COL15A1: variants seen among roughly 807,000 people sequenced by gnomAD.
COL15A1 encodes collagen alpha-1(XV) chain.
Under a neutral mutation model 165.9 loss-of-function variants are expected in COL15A1, and 111 were observed. The observed-to-expected ratio is 0.67, with a 90% confidence interval of 0.57 to 0.78. The LOEUF is 0.78. Ranked by LOEUF, COL15A1 falls within the 30% of genes least tolerant of loss-of-function variation. The probability of loss-of-function intolerance (pLI) is 0.00; values close to 1 mark genes in which losing one functional copy is unlikely to be tolerated. For synonymous variants in COL15A1, 659 were observed against 674.8 expected (o/e 0.98, Z 0.36); for missense variants, 1,745 against 1,789.7 (o/e 0.98, Z 0.45).
intron 2 of COL15A1, among the ~76,000 whole-genome samples, chr9:98,973,346 G>T (rs1290663969): frequency 6.6e-6 from 1 of 152,116 alleles, no homozygotes; most frequent in African/African-American, 2.4e-5. Flanking sequence ...GAAAAGAGAA[G>T]GAGGCGTTCT....
chr9:99,054,697 G>A (rs1366940675), intron 32 of COL15A1, 41 bp downstream of exon 32: 1 of 1,584,958 alleles, frequency 6.3e-7, no homozygotes, highest in Non-Finnish European at 8.6e-7. Context: ...TTGATTTTTT[G>A]CTCCTGAGAA....
At chr9:99,035,315 T>C (rs193043462) in intron 18 of COL15A1, 35 bp from the exon 19 acceptor site, 3 of 1,614,160 alleles carry the variant, frequency 1.9e-6, no homozygotes, top group Non-Finnish European at 2.5e-6. Flanking sequence ...GCCCAGGAAC[T>C]GGATCTGAAA....
At chr9:99,051,041 A>G (rs1398213581) in intron 30 of COL15A1, among the ~76,000 whole-genome samples, 2 of 152,348 alleles carry the variant, frequency 1.3e-5, no homozygotes, top group East Asian at 3.9e-4. Flanking sequence ...GAAGAGAAAC[A>G]TAAAATCTCA....
Position 99,040,538 on chromosome 9 carries a change from T to C in COL15A1, c.2493T>C (p.Pro831=). Residue 831 remains proline (P), a synonymous_variant, in exon 23 of 42, where the codon CCT becomes CCC. Transcript: ENST00000375001. ...TGTCACAGGGGCCGGACGGGTTGCC[T>C]GGGCTGCCAGGATTTCCAGTAAGTA... ...LVGPPGPDGL[P]GLPGFPGPRG... is the part of the protein sequence containing the mutation. 2 of 1,614,218 alleles carry C rather than the reference T, an allele frequency of 1.2e-6. No individual in the cohort carries two copies. Among genetic ancestry groups the C allele is most frequent in the Non-Finnish European group, 1.7e-6 (2 of 1,180,040 alleles).
chr9:98,972,125 C>T (rs1027706942), intron 2 of COL15A1, among the ~76,000 whole-genome samples: 1 of 152,114 alleles, frequency 6.6e-6, no homozygotes, highest in Non-Finnish European at 1.5e-5. Context: ...TCTCTGTGAG[C>T]CAGGTCCTAG....
At chr9:99,007,830 G>A (rs1419605473) in intron 9 of COL15A1, among the ~76,000 whole-genome samples, 2 of 151,972 alleles carry the variant, frequency 1.3e-5, no homozygotes, top group Non-Finnish European at 2.9e-5. Flanking sequence ...AGAAGAAGAA[G>A]AAAAAAATTT....
In COL15A1 at chr9:99,055,373, G is replaced by A. The variant is rs1825706818; in HGVS notation, c.3192+1G>A. 2 of 1,592,272 alleles carry A rather than the reference G, an allele frequency of 1.3e-6. No individual in the cohort carries two copies. Among genetic ancestry groups the A allele is most frequent in the South Asian group, 1.1e-5 (1 of 90,652 alleles). ...CCTGCCCGGAAATCCAGGCCCGGCTGTGAGTAGAGACCCCTCCAAGTCATC... is the reference window on the plus strand; with the variant it reads ...CCTGCCCGGAAATCCAGGCCCGGCTATGAGTAGAGACCCCTCCAAGTCATC... On this transcript the variant is annotated splice_donor_variant, in intron 34 of 41. Coordinates refer to ENST00000375001, the MANE Select transcript of COL15A1 (RefSeq NM_001855.5). LOFTEE classifies it high-confidence loss of function.
rs142529243 is a variant in COL15A1 at position 98,945,072 on chromosome 9, G to A, written c.100+822G>A. On this transcript the variant is annotated intron_variant, in intron 2 of 41. Transcript: ENST00000375001. The stretch of plus-strand genomic sequence containing the variant: ...CTTCCTAGAAATGTTGTGAATATTA[G>A]AGAAATTAGAAATAATGTGCTTCCC... 2.6e-5 allele frequency among the ~76,000 whole-genome samples: 4 copies of A among 152,306 alleles called. No homozygotes were observed. In the East Asian group the frequency reaches 7.7e-4, roughly 29 times the overall value.
intron 24 of COL15A1, 80 bp from the exon 25 acceptor site, chr9:99,044,488 G>A: frequency 1.6e-6 from 2 of 1,280,596 alleles, no homozygotes. Flanking sequence ...AGGTGGCAAG[G>A]AGGAGTCTCT....
At chr9:98,987,517 G>C in intron 4 of COL15A1, 149 bp downstream of exon 4, 1 of 645,904 alleles carries the variant, frequency 1.5e-6, no homozygotes, top group Non-Finnish European at 2.6e-6. Context: ...CTTTTGGCGT[G>C]ATTTCACTTT....
chr9:99,054,683 G>A, intron 32 of COL15A1, 27 bp downstream of exon 32: 2 of 1,591,560 alleles, frequency 1.3e-6, no homozygotes, highest in East Asian at 2.2e-5. Flanking sequence ...TCTCAATCTT[G>A]CCTTTGATTT....
chr9:99,029,073 G>C (rs1839175219), intron 16 of COL15A1, among the ~76,000 whole-genome samples: 1 of 152,170 alleles, frequency 6.6e-6, no homozygotes, highest in South Asian at 2.1e-4. Context: ...GAAGAAGATG[G>C]ATCTCTGAAA....
chr9:98,956,268 T>TA (rs1308163189), intron 2 of COL15A1, among the ~76,000 whole-genome samples: 3 of 152,186 alleles, frequency 2.0e-5, no homozygotes, highest in Non-Finnish European at 2.9e-5. Context: ...ATCATGCCAC[T>TA]ACATTCCAGC....
rs182181494 is a variant in COL15A1 at position 99,061,856 on chromosome 9, C to T, written c.3403-115C>T. ...CTCTATCTGGCACATTAACAAGCCT[C>T]TTTATTGAGTATCTGGGGACGGCTC... is the stretch of plus-strand genomic sequence containing the variant. On this transcript the variant is annotated intron_variant, in intron 36 of 41. Coordinates refer to ENST00000375001, the MANE Select transcript of COL15A1 (RefSeq NM_001855.5). 1.1e-3 allele frequency: 1,210 copies of T among 1,131,908 alleles called. 14 individuals are homozygous for T. The highest frequency in any genetic ancestry group is 0.01 in the South Asian group (666 of 65,550). The allele number at this position is 1,131,908 out of a possible 1,614,324, so 70.1% of individuals were successfully genotyped here.
At chr9:98,999,260 C>T (rs1838605226) in intron 6 of COL15A1, among the ~76,000 whole-genome samples, 1 of 152,198 alleles carries the variant, frequency 6.6e-6, no homozygotes, top group South Asian at 2.1e-4. Flanking sequence ...AGGGCCCTTC[C>T]CAGTCTCAGT....
At chr9:99,004,511 T>C (rs1838722405) in intron 8 of COL15A1, among the ~76,000 whole-genome samples, 1 of 152,156 alleles carries the variant, frequency 6.6e-6, no homozygotes, top group South Asian at 2.1e-4. Flanking sequence ...TCCACGAGGG[T>C]AGACTACTGC....
intron 2 of COL15A1, among the ~76,000 whole-genome samples, chr9:98,945,350 A>G (rs1448695999): frequency 2.0e-5 from 3 of 152,248 alleles, no homozygotes; most frequent in Admixed American, 2.0e-4. Context: ...TCCAAAAGCC[A>G]GGACTTGAAT....
At chr9:99,007,861 T>C (rs2118967289) in intron 9 of COL15A1, among the ~76,000 whole-genome samples, 3 of 152,320 alleles carry the variant, frequency 2.0e-5, no homozygotes, top group Admixed American at 2.0e-4. Context: ...TTATGGAGAC[T>C]TGTAGCCAGT....
chr9:98,994,607 G>A lies in COL15A1; in HGVS notation c.805-2327G>A, dbSNP rs559068447. Among the ~76,000 whole-genome samples the A allele has an allele frequency of 5.9e-5, 9 of 152,278 alleles. No homozygotes were observed. In the East Asian group the frequency reaches 1.7e-3, roughly 29 times the overall value. On this transcript the variant is annotated intron_variant, in intron 5 of 41. Coordinates refer to ENST00000375001, the MANE Select transcript of COL15A1 (RefSeq NM_001855.5). ...CACCTGACAGCTTGAGGACAGACAC[G>A]CTGTCTTAGTTATTCATTTCTGTGT...
Sources: allele counts gnomAD v4.1 joint callset (sites outside exome capture counted in the v4.1 genomes callset), GRCh38; gene constraint gnomAD v4.1.1; transcripts MANE v1.5; gene names NCBI Gene and HGNC (gene_info 2026-07-23, HGNC 2026-07-21).